TRIM55: variants seen among roughly 807,000 people sequenced by gnomAD.
TRIM55 encodes tripartite motif containing 55.
A neutral mutation model predicts 60.9 loss-of-function variants in TRIM55; 50 were observed. That is an observed-to-expected ratio of 0.82 (90% CI 0.65 to 1.04). The LOEUF is 1.04. TRIM55 is among the 50% of genes least tolerant of loss of function. The pLI, the probability that TRIM55 is intolerant of heterozygous loss-of-function variation, is 0.00. For missense variants in TRIM55, 681 were observed against 666.9 expected (o/e 1.02, Z -0.23); for synonymous variants, 237 against 238.1 (o/e 1.00, Z 0.04).
chr8:66,118,248 G>A, the TRIM55 span, among the ~76,000 whole-genome samples: 1 of 146,926 alleles, frequency 6.8e-6, no homozygotes, highest in South Asian at 2.2e-4. Flanking sequence ...TTTCCTCAGA[G>A]ATCTTTATGA....
At chr8:66,154,783 A>G (rs956889072) in intron 9 of TRIM55, among the ~76,000 whole-genome samples, 7 of 152,198 alleles carry the variant, frequency 4.6e-5, no homozygotes, top group African/African-American at 1.7e-4. Flanking sequence ...TTGAGTTTTA[A>G]GTCTGTTCTG....
At chr8:66,120,321 C>T in the TRIM55 span, among the ~76,000 whole-genome samples, 1 of 152,172 alleles carries the variant, frequency 6.6e-6, no homozygotes, top group Non-Finnish European at 1.5e-5. Flanking sequence ...GTGGGAGCCT[C>T]TAAATCCTTA....
At chr8:66,163,287 T>G (rs1811148827) in intron 9 of TRIM55, among the ~76,000 whole-genome samples, 2 of 152,226 alleles carry the variant, frequency 1.3e-5, no homozygotes, top group South Asian at 4.1e-4. Context: ...ATTTCTGCTC[T>G]TAATGATTTT....
At position 66,154,161 on chromosome 8, in the gene TRIM55, C is replaced by G. The variant is rs61760892; in HGVS notation, c.1351C>G (p.Arg451Gly). The G allele has an allele frequency of 1.2e-6, 2 of 1,613,990 alleles. No homozygotes were observed. The highest frequency in any genetic ancestry group is 1.3e-5 in the African/African-American group (1 of 74,888). ...CCCTAGTTGGTATAAAGGCCAAACC[C>G]GGAAAGCCACCACCAACCCACCTTG... ...FYPSWYKGQT[R>G]KATTNPPCTP... is the part of the protein sequence containing the mutation. Residue 451 changes from arginine to glycine, a missense_variant, in exon 9 of 10, where the codon CGG becomes GGG. Physicochemically the swap from Arg to Gly is moderately radical, Grantham distance 125. Transcript: ENST00000315962.
At chr8:66,136,646 T>C (rs555917891) in intron 3 of TRIM55, among the ~76,000 whole-genome samples, 2 of 152,388 alleles carry the variant, frequency 1.3e-5, no homozygotes, top group South Asian at 4.1e-4. Context: ...AAGTTTGTAA[T>C]GACTTAGTCT....
intron 4 of TRIM55, 128 bp downstream of exon 4, chr8:66,137,318 C>T: frequency 1.6e-6 from 1 of 632,944 alleles, no homozygotes; most frequent in Non-Finnish European, 2.7e-6. Context: ...TGGCCTCCTT[C>T]CTGATATGTC....
intron 2 of TRIM55, among the ~76,000 whole-genome samples, chr8:66,129,154 C>T (rs911226401): frequency 3.3e-5 from 5 of 152,158 alleles, no homozygotes; most frequent in South Asian, 2.1e-4. Context: ...TGAATAACAT[C>T]GTGATAGCAT....
intron 9 of TRIM55, among the ~76,000 whole-genome samples, chr8:66,161,038 A>G (rs1811022019): frequency 1.3e-5 from 2 of 151,588 alleles, no homozygotes; most frequent in African/African-American, 2.4e-5. Context: ...AGTCCCATCT[A>G]TTTGTCTTTG....
At chr8:66,117,842 A>C in the TRIM55 span, among the ~76,000 whole-genome samples, 5 of 152,278 alleles carry the variant, frequency 3.3e-5, no homozygotes, top group East Asian at 9.6e-4. Context: ...TTTCTGGCAC[A>C]TATGTAATGA....
the TRIM55 span, among the ~76,000 whole-genome samples, chr8:66,118,147 G>T: frequency 1.6e-5 from 2 of 124,656 alleles, no homozygotes; most frequent in Admixed American, 1.0e-4. Context: ...CCAGCCTGGG[G>T]GACAGAGCGA....
the TRIM55 span, chr8:66,114,692 C>A: frequency 2.2e-6 from 1 of 454,614 alleles, no homozygotes. Context: ...AGGAACTGTT[C>A]GGCCCCATCT....
intron 9 of TRIM55, among the ~76,000 whole-genome samples, chr8:66,173,000 A>G (rs1169598675): frequency 2.0e-5 from 3 of 152,138 alleles, no homozygotes; most frequent in African/African-American, 7.2e-5. Flanking sequence ...AGCCAGGGTA[A>G]GAGGATTATG....
the TRIM55 span, among the ~76,000 whole-genome samples, chr8:66,121,378 G>T: frequency 6.6e-6 from 1 of 152,254 alleles, no homozygotes. Context: ...GTCCTGATGT[G>T]TGTGGTAAGA....
Position 66,149,782 on chromosome 8 carries a change from G to A in TRIM55, c.741G>A (p.Leu247=). 2 of 1,614,132 alleles carry A rather than the reference G, an allele frequency of 1.2e-6. No homozygotes were observed. Among genetic ancestry groups the A allele is most frequent in the Non-Finnish European group, 1.7e-6 (2 of 1,180,012 alleles). The change falls in exon 5 of 10, where the codon CTG becomes CTA. Residue 247 remains leucine, a synonymous_variant. Coordinates refer to ENST00000315962, the MANE Select transcript of TRIM55 (RefSeq NM_184085.2). ...AGAAACTGGAACATGTCCGTGCTCT[G>A]ATCAAAAAGTATTCTGATCATTTGG... The part of the protein sequence containing the change: ...QEEKLEHVRA[L]IKKYSDHLEN...
At chr8:66,122,839 A>G (rs922712429), upstream of TRIM55, among the ~76,000 whole-genome samples, 1 of 152,220 alleles carries the variant, frequency 6.6e-6, no homozygotes, top group Non-Finnish European at 1.5e-5. Context: ...CCAAATTCCA[A>G]TCTGACTCTA....
Position 66,127,205 on chromosome 8 carries a change from G to A in TRIM55, c.-64G>A. 1 of 1,501,920 alleles carries A rather than the reference G, an allele frequency of 6.7e-7. No homozygotes were observed. Among genetic ancestry groups the A allele is most frequent in the South Asian group, 1.2e-5 (1 of 80,972 alleles). The allele number at this position is 1,501,920 out of a possible 1,614,324, so 93.0% of individuals were successfully genotyped here. A position where few individuals can be genotyped will look rare whatever the true frequency, so the allele number is the denominator to read the frequency against. Reference sequence around the variant, plus strand: ...ACACAATCCCTGGAATAATATCCAGGAAACACTTGCTGGAGCCACTCGCAG... The same window carrying A: ...ACACAATCCCTGGAATAATATCCAGAAAACACTTGCTGGAGCCACTCGCAG... On this transcript the variant is annotated 5_prime_UTR_variant, in exon 1 of 10. Transcript: ENST00000315962.
chr8:66,172,464 T>A (rs1449648204), intron 9 of TRIM55, among the ~76,000 whole-genome samples: 2 of 152,218 alleles, frequency 1.3e-5, no homozygotes, highest in Non-Finnish European at 2.9e-5. Context: ...ATAGCATTGG[T>A]CCATATTGTT....
intron 9 of TRIM55, among the ~76,000 whole-genome samples, chr8:66,170,198 C>T (rs1370077062): frequency 1.3e-5 from 2 of 152,176 alleles, no homozygotes; most frequent in Non-Finnish European, 2.9e-5. Flanking sequence ...ACTTTTTCAT[C>T]TTGCAAAACA....
chr8:66,142,576 A>G (rs1809880787), intron 4 of TRIM55, among the ~76,000 whole-genome samples: 1 of 152,218 alleles, frequency 6.6e-6, no homozygotes, highest in Non-Finnish European at 1.5e-5. Flanking sequence ...ATTCTAAATG[A>G]TCTGGCTTAG....
Sources: allele counts gnomAD v4.1 joint callset (sites outside exome capture counted in the v4.1 genomes callset), GRCh38; gene constraint gnomAD v4.1.1; transcripts MANE v1.5; gene names NCBI Gene and HGNC (gene_info 2026-07-23, HGNC 2026-07-21).